USP29: variants seen among roughly 807,000 people sequenced by gnomAD.
USP29 encodes the protein ubiquitin specific peptidase 29.
For synonymous variants in USP29, 386 were observed against 387.4 expected (o/e 1.00, Z 0.04); for missense variants, 1,102 against 1,069.0 (o/e 1.03, Z -0.43).
At chr19:57,128,504 G>A (rs2146953400) in intron 3 of USP29, 156 bp from the exon 4 acceptor site, 2 of 721,726 alleles carry the variant, frequency 2.8e-6, no homozygotes, top group East Asian at 6.4e-5. Flanking sequence ...CTGGAGAACT[G>A]GCACAGCTTC....
rs546426655 is a variant in USP29 at position 57,129,423 on chromosome 19, G to A, written c.748G>A (p.Ala250Thr). 7 of 1,614,160 alleles carry A rather than the reference G, an allele frequency of 4.3e-6. No individual in the cohort carries two copies. In the South Asian group the frequency reaches 7.7e-5, roughly 18 times the overall value. ...TGTTCTTGCAACCCAGACTCTCAATGCCAAAAATGGTTTGACATCTCCATT... is the reference window on the plus strand; with the variant it reads ...TGTTCTTGCAACCCAGACTCTCAATACCAAAAATGGTTTGACATCTCCATT... ...ETVLATQTLN[A>T]KNGLTSPLEP... Residue 250 changes from alanine (A) to threonine (T), a missense_variant, in exon 4 of 4, where the codon GCC becomes ACC. Coordinates refer to ENST00000254181, the MANE Select transcript of USP29 (RefSeq NM_020903.3).
chr19:57,129,737 TAA>T lies in USP29; in HGVS notation c.1067_1068del (p.Lys356SerfsTer16). The part of the protein sequence containing the change: ...KIKRELLGNV[K>X]KVISAVAEIF... ...TCAAGAGAGAATTACTTGGGAATGT[TAA>T]AAAAGTCATTTCAGCAGTTGCAGAA... On this transcript the variant is annotated frameshift_variant, in exon 4 of 4. Coordinates refer to ENST00000254181, the MANE Select transcript of USP29 (RefSeq NM_020903.3). LOFTEE classifies it low-confidence loss of function (END_TRUNC). 6.2e-7 allele frequency: 1 copy of T among 1,613,806 alleles called. No homozygotes were observed. The highest frequency in any genetic ancestry group is 8.5e-7 in the Non-Finnish European group (1 of 1,179,916).
rs1254509485 is a variant in USP29 at position 57,129,450 on chromosome 19, G to T, written c.775G>T (p.Glu259Ter). 9 of 1,614,060 alleles carry T rather than the reference G, an allele frequency of 5.6e-6. No homozygotes were observed. Among genetic ancestry groups the T allele is most frequent in the African/African-American group, 1.3e-5 (1 of 74,922 alleles). The change falls in exon 4 of 4, where the codon GAA (glutamate) becomes TAA (stop). Residue 259 changes from glutamate (E) to a stop codon, truncating the protein, a stop_gained. Transcript: ENST00000254181. LOFTEE classifies it low-confidence loss of function (END_TRUNC). Reference sequence around the variant, plus strand: ...CAAAAATGGTTTGACATCTCCATTGGAACCAGAGCACAGCCAGGGTGACCC... The same window carrying T: ...CAAAAATGGTTTGACATCTCCATTGTAACCAGAGCACAGCCAGGGTGACCC... ...NAKNGLTSPL[E>*]PEHSQGDPRC...
Position 57,130,077 on chromosome 19 carries a change from T to G in USP29, c.1402T>G (p.Ser468Ala). 1 of 1,613,640 alleles carries G rather than the reference T, an allele frequency of 6.2e-7. No homozygotes were observed. The highest frequency in any genetic ancestry group is 8.5e-7 in the Non-Finnish European group (1 of 1,179,862). The change falls in exon 4 of 4, where the codon TCC (serine) becomes GCC (alanine). Residue 468 changes from serine to alanine, a missense_variant. Coordinates refer to ENST00000254181, the MANE Select transcript of USP29 (RefSeq NM_020903.3). ...CCAAGAAACAAAACCACTTCCTTTG[T>G]CCATTCAGAATTCTTTAGATCTTTT... Reference protein sequence around the residue: ...LHQETKPLPLSIQNSLDLFFK... With the variant: ...LHQETKPLPLAIQNSLDLFFK...
At chr19:57,120,708 AC>A (rs1408346946) in intron 1 of USP29, among the ~76,000 whole-genome samples, 5 of 121,814 alleles carry the variant, frequency 4.1e-5, no homozygotes, top group African/African-American at 1.6e-4. Context: ...AATCACTTGA[AC>A]CCCAGAGGTG....
upstream of USP29, among the ~76,000 whole-genome samples, chr19:57,119,796 G>A (rs2086783850): frequency 6.6e-6 from 1 of 152,264 alleles, no homozygotes; most frequent in South Asian, 2.1e-4. Flanking sequence ...CCTCGCTTGA[G>A]GCTGAATGGG....
In USP29 at chr19:57,131,237, C is replaced by T; in HGVS notation, c.2562C>T (p.Phe854=). The change falls in exon 4 of 4, where the codon TTC becomes TTT. Residue 854 remains phenylalanine, a synonymous_variant. Coordinates refer to ENST00000254181, the MANE Select transcript of USP29 (RefSeq NM_020903.3). ...ATGACTTTCAGAAGCAGGCCTGGTT[C>T]ACATACAACGATCTATGTGTATCAG... ...DVYDFQKQAW[F]TYNDLCVSEI... 6.2e-7 allele frequency: 1 copy of T among 1,614,190 alleles called. No individual in the cohort carries two copies. The highest frequency in any genetic ancestry group is 1.1e-5 in the South Asian group (1 of 91,082).
Position 57,131,331 on chromosome 19 carries a change from G to A in USP29, c.2656G>A (p.Gly886Arg). ...GTATATCTTCTTTTACATGCACAAT[G>A]GGATTTTTGAGGAGCTGTTAAGAAA... ...SGYIFFYMHNGIFEELLRKAE... is the reference protein window; with the variant it reads ...SGYIFFYMHNRIFEELLRKAE... Residue 886 changes from glycine to arginine, a missense_variant, in exon 4 of 4, where the codon GGG becomes AGG. By Grantham distance (125) the Gly-to-Arg change is moderately radical. Coordinates refer to ENST00000254181, the MANE Select transcript of USP29 (RefSeq NM_020903.3). 1 of 1,614,182 alleles carries A rather than the reference G, an allele frequency of 6.2e-7. No individual in the cohort carries two copies. The highest frequency in any genetic ancestry group is 2.2e-5 in the East Asian group (1 of 44,880).
intron 3 of USP29, among the ~76,000 whole-genome samples, chr19:57,127,037 G>T (rs1195677503): frequency 6.6e-6 from 1 of 152,174 alleles, no homozygotes; most frequent in Non-Finnish European, 1.5e-5. Flanking sequence ...GCTGCAGTTT[G>T]CTGGAGGTCC....
Position 57,128,922 on chromosome 19 carries a change from T to C in USP29, c.247T>C (p.Phe83Leu). 6.2e-7 allele frequency: 1 copy of C among 1,613,896 alleles called. No individual in the cohort carries two copies. The highest frequency in any genetic ancestry group is 8.5e-7 in the Non-Finnish European group (1 of 1,179,964). ...RLTLKNNVFLFIDKLSYRDAK... is the reference protein window; with the variant it reads ...RLTLKNNVFLLIDKLSYRDAK... ...AACTTTGAAAAACAACGTGTTCTTG[T>C]TTATTGACAAATTATCCTACAGAGA... Residue 83 changes from phenylalanine to leucine, a missense_variant, in exon 4 of 4, where the codon TTT becomes CTT. Coordinates refer to ENST00000254181, the MANE Select transcript of USP29 (RefSeq NM_020903.3).
intron 2 of USP29, among the ~76,000 whole-genome samples, chr19:57,123,831 A>G (rs17239802): frequency 0.087 from 13,197 of 152,196 alleles, 1,122 homozygotes; most frequent in East Asian, 0.42. Flanking sequence ...GGGGAGGGGC[A>G]CTTTTAGGAA....
In USP29 at chr19:57,130,286, A is replaced by G. The variant is rs1426708971; in HGVS notation, c.1611A>G (p.Leu537=). 5.0e-6 allele frequency: 8 copies of G among 1,614,098 alleles called. No homozygotes were observed. The highest frequency in any genetic ancestry group is 6.8e-6 in the Non-Finnish European group (8 of 1,180,022). ...TTTATATTCCCAAATCTTTAAGTTT[A>G]TCTTCTTATTGCAATGAAAGCACCA... ...EQVYIPKSLS[L]SSYCNESTKP... The change falls in exon 4 of 4, where the codon TTA becomes TTG. Residue 537 remains leucine (L), a synonymous_variant. Transcript: ENST00000254181.
intron 3 of USP29, among the ~76,000 whole-genome samples, chr19:57,127,953 CTG>C (rs899522672): frequency 2.0e-5 from 3 of 152,230 alleles, no homozygotes; most frequent in African/African-American, 4.8e-5. Context: ...ATTGCAAAAA[CTG>C]TGGGAAAAGC....
intron 3 of USP29, among the ~76,000 whole-genome samples, chr19:57,126,134 C>G (rs768787963): frequency 6.6e-6 from 1 of 152,204 alleles, no homozygotes; most frequent in African/African-American, 2.4e-5. Context: ...CACTATTAAT[C>G]TGATGGGCTT....
In USP29 at chr19:57,130,521, G is replaced by T. The variant is rs781368378; in HGVS notation, c.1846G>T (p.Glu616Ter). The T allele has an allele frequency of 6.2e-7, 1 of 1,614,186 alleles. No homozygotes were observed. Among genetic ancestry groups the T allele is most frequent in the Non-Finnish European group, 8.5e-7 (1 of 1,180,044 alleles). Residue 616 changes from glutamate to a stop codon, truncating the protein, a stop_gained, in exon 4 of 4, where the codon GAG becomes TAG. Coordinates refer to ENST00000254181, the MANE Select transcript of USP29 (RefSeq NM_020903.3). LOFTEE classifies it low-confidence loss of function (END_TRUNC). ...GAGAGACTGTGGAGATGCAAGCCAAGAGCAGCATCAGAGAGACCTGGAAAA... is the reference window on the plus strand; with the variant it reads ...GAGAGACTGTGGAGATGCAAGCCAATAGCAGCATCAGAGAGACCTGGAAAA... ...FQRDCGDASQEQHQRDLENGS... is the reference protein window; with the variant it reads ...FQRDCGDASQ
In USP29 at chr19:57,122,871, A is replaced by G. The variant is rs573590834; in HGVS notation, c.-118+397A>G. Among the ~76,000 whole-genome samples the G allele has an allele frequency of 1.3e-3, 203 of 152,270 alleles. 1 individual carries two copies. The South Asian group carries it at 0.016, about 12-fold the overall frequency. ...CCTCCTTTCATTAAATTTAAGGTCCAGTGAGGGTGAAGTTTCCCTAAAGAG... is the reference window on the plus strand; with the variant it reads ...CCTCCTTTCATTAAATTTAAGGTCCGGTGAGGGTGAAGTTTCCCTAAAGAG... On this transcript the variant is annotated intron_variant, in intron 2 of 3. Coordinates refer to ENST00000254181, the MANE Select transcript of USP29 (RefSeq NM_020903.3).
chr19:57,119,345 T>G (rs1385113182), upstream of USP29: 1 of 152,236 alleles, frequency 6.6e-6, no homozygotes, highest in African/African-American at 2.4e-5. Context: ...GCAAACACGC[T>G]TGAAGGCCTA....
intron 3 of USP29, among the ~76,000 whole-genome samples, chr19:57,127,342 C>T (rs1366755384): frequency 1.3e-5 from 2 of 152,212 alleles, no homozygotes; most frequent in Non-Finnish European, 2.9e-5. Context: ...TCAGAGCCAG[C>T]AGGCAGAAAA....
At chr19:57,121,262 ATATATATACTTATATATGT>A (rs1440188047) in intron 1 of USP29, among the ~76,000 whole-genome samples, 17 of 148,120 alleles carry the variant, frequency 1.1e-4, no homozygotes, top group African/African-American at 3.4e-4. Context: ...TATATATGTT[ATATATATACTTATATATGT>A]TATATATACT....
Sources: allele counts gnomAD v4.1 joint callset (sites outside exome capture counted in the v4.1 genomes callset), GRCh38; gene constraint gnomAD v4.1.1; transcripts MANE v1.5; gene names NCBI Gene and HGNC (gene_info 2026-07-23, HGNC 2026-07-21).